The following HTT variants were observed in gnomAD, a reference collection of about 807,000 sequenced individuals.
HTT encodes the protein huntingtin.
HTT carries 104 observed loss-of-function variants against 362.3 expected under a neutral mutation model. That is an observed-to-expected ratio of 0.29 (90% CI 0.24 to 0.34). HTT has a LOEUF of 0.34. Among genes scored for constraint, HTT ranks in the 10% least tolerant of loss-of-function variants. The pLI, the probability that HTT is intolerant of heterozygous loss-of-function variation, is 1.00. For synonymous variants in HTT, 1,577 were observed against 1,548.7 expected (o/e 1.02, Z -0.43); for missense variants, 3,301 against 3,928.6 (o/e 0.84, Z 4.27).
intron 47 of HTT, among the ~76,000 whole-genome samples, chr4:3,210,610 G>GT (rs1030387309): frequency 2.8e-5 from 2 of 71,770 alleles, no homozygotes; most frequent in African/African-American, 9.0e-5. Flanking sequence ...TGTGAGCAGT[G>GT]GGGGGGCCAC....
chr4:3,145,147 C>T lies in HTT; in HGVS notation c.3067-5C>T, dbSNP rs1289749748. On this transcript the variant is annotated splice_region_variant and splice_polypyrimidine_tract_variant and intron_variant, in intron 23 of 66. Transcript: ENST00000355072. Reference sequence around the variant, plus strand: ...GGTGTGATTTTATTGTTTCTTTCTTCTCAGTTTGGATGCTGTGAAGCTTTG... The same window carrying T: ...GGTGTGATTTTATTGTTTCTTTCTTTTCAGTTTGGATGCTGTGAAGCTTTG... The T allele has an allele frequency of 1.2e-6, 2 of 1,609,588 alleles. No individual in the cohort carries two copies. The highest frequency in any genetic ancestry group is 2.7e-5 in the African/African-American group (2 of 74,812).
intron 47 of HTT, among the ~76,000 whole-genome samples, chr4:3,210,150 A>G (rs1318553422): frequency 1.3e-5 from 2 of 152,128 alleles, no homozygotes; most frequent in African/African-American, 2.4e-5. Context: ...GGGTCGGGAC[A>G]TGGGGGTTAT....
intron 5 of HTT, among the ~76,000 whole-genome samples, chr4:3,106,818 C>A (rs1452309952): frequency 1.3e-5 from 2 of 152,198 alleles, no homozygotes; most frequent in East Asian, 3.9e-4. Context: ...CACCTCGCAC[C>A]CGGCCTGCCC....
intron 8 of HTT, among the ~76,000 whole-genome samples, chr4:3,120,428 A>G (rs923356926): frequency 6.6e-6 from 1 of 152,090 alleles, no homozygotes; most frequent in African/African-American, 2.4e-5. Flanking sequence ...GGGGTCCCCA[A>G]CCCCCAGGCT....
At position 3,233,170 on chromosome 4, in the gene HTT, C is replaced by G. The variant is rs1230220597; in HGVS notation, c.8273C>G (p.Ala2758Gly). 1.3e-6 allele frequency: 2 copies of G among 1,585,222 alleles called. No individual in the cohort carries two copies. The highest frequency in any genetic ancestry group is 1.7e-6 in the Non-Finnish European group (2 of 1,157,800). The change falls in exon 61 of 67, where the codon GCC (alanine) becomes GGC (glycine). Residue 2758 changes from alanine (A) to glycine (G), a missense_variant. Coordinates refer to ENST00000355072, the MANE Select transcript of HTT (RefSeq NM_001388492.1). ...KAAAVLGMDKAVAEPVSRLLE... is the reference protein window; with the variant it reads ...KAAAVLGMDKGVAEPVSRLLE... Reference sequence around the variant, plus strand: ...TTGTCTGTGTGTGCCTAGGACAAGGCCGTGGCGGAGCCTGTCAGCCGCCTG... The same window carrying G: ...TTGTCTGTGTGTGCCTAGGACAAGGGCGTGGCGGAGCCTGTCAGCCGCCTG...
At chr4:3,078,421 G>C (rs1712680327) in intron 1 of HTT, among the ~76,000 whole-genome samples, 1 of 152,170 alleles carries the variant, frequency 6.6e-6, no homozygotes, top group Non-Finnish European at 1.5e-5. Flanking sequence ...GCAGGGAAGG[G>C]GATAGGGAAA....
At chr4:3,210,671 A>G (rs1406295772) in intron 47 of HTT, among the ~76,000 whole-genome samples, 1 of 152,160 alleles carries the variant, frequency 6.6e-6, no homozygotes, top group Non-Finnish European at 1.5e-5. Context: ...TCTCAGACCT[A>G]CTAGGACGGG....
At chr4:3,190,123 C>T (rs74787410) in intron 40 of HTT, among the ~76,000 whole-genome samples, 2,437 of 152,230 alleles carry the variant, frequency 0.016, 27 homozygotes, top group Non-Finnish European at 0.025. Flanking sequence ...GTAAAAGGAT[C>T]ACTTGAAGCC....
At chr4:3,121,589 A>T in intron 9 of HTT, 157 bp downstream of exon 9, 3 of 526,438 alleles carry the variant, frequency 5.7e-6, no homozygotes, top group Non-Finnish European at 1.0e-5. Context: ...TAAATAGGGG[A>T]GTTGGGCTGG....
At chr4:3,238,411 C>T in intron 64 of HTT, 36 bp from the exon 65 acceptor site, 3 of 1,546,332 alleles carry the variant, frequency 1.9e-6, no homozygotes, top group Non-Finnish European at 2.6e-6. Flanking sequence ...GCTGTGGGAG[C>T]TGGTGCCAGT....
intron 40 of HTT, among the ~76,000 whole-genome samples, chr4:3,193,952 A>G (rs1560587966): frequency 6.6e-6 from 1 of 152,116 alleles, no homozygotes; most frequent in African/African-American, 2.4e-5. Context: ...GTATATATAA[A>G]TGTGTGTTTC....
At chr4:3,140,472 C>G (rs374784433) in intron 21 of HTT, 38 bp from the exon 22 acceptor site, 64 of 1,606,102 alleles carry the variant, frequency 4.0e-5, no homozygotes, top group Admixed American at 8.4e-5. Flanking sequence ...TGAGTTTCAT[C>G]TACTTTCTTA....
intron 2 of HTT, among the ~76,000 whole-genome samples, chr4:3,096,777 C>G (rs1713877887): frequency 1.3e-5 from 2 of 152,346 alleles, no homozygotes; most frequent in Middle Eastern, 3.4e-3. Flanking sequence ...TCAATGACCT[C>G]AGCTTCTACC....
In HTT at chr4:3,157,090, C is replaced by T. The variant is rs994489074; in HGVS notation, c.3644C>T (p.Thr1215Ile). ...TTTAAAGCTTCTAGACAATCTGATACCTCAGGTCCTGTTACAACAAGTAAA... is the reference window on the plus strand; with the variant it reads ...TTTAAAGCTTCTAGACAATCTGATATCTCAGGTCCTGTTACAACAAGTAAA... ...EASAASRQSD[T>I]SGPVTTSKSS... is the part of the protein sequence containing the mutation. The change falls in exon 28 of 67, where the codon ACC (threonine) becomes ATC (isoleucine). Residue 1215 changes from threonine to isoleucine, a missense_variant. Coordinates refer to ENST00000355072, the MANE Select transcript of HTT (RefSeq NM_001388492.1). The T allele has an allele frequency of 6.2e-6, 10 of 1,611,158 alleles. No homozygotes were observed. The highest frequency in any genetic ancestry group is 8.5e-6 in the Non-Finnish European group (10 of 1,178,912).
rs968925938 is a variant in HTT at position 3,127,400 on chromosome 4, C to G, written c.1539C>G (p.Ala513=). 6 of 1,614,124 alleles carry G rather than the reference C, an allele frequency of 3.7e-6. No homozygotes were observed. The highest frequency in any genetic ancestry group is 4.2e-6 in the Non-Finnish European group (5 of 1,180,018). Reference sequence around the variant, plus strand: ...TGCAGGCGGACTCAGTGGATCTGGCCAGCTGTGACTTGACAAGCTCTGCCA... The same window carrying G: ...TGCAGGCGGACTCAGTGGATCTGGCGAGCTGTGACTTGACAAGCTCTGCCA... ...HTLQADSVDL[A]SCDLTSSATD... is the part of the protein sequence containing the mutation. Residue 513 remains alanine (A), a synonymous_variant, in exon 12 of 67, where the codon GCC becomes GCG. Coordinates refer to ENST00000355072, the MANE Select transcript of HTT (RefSeq NM_001388492.1).
chr4:3,111,610 G>A (rs16843836), intron 6 of HTT, among the ~76,000 whole-genome samples: 36,740 of 152,080 alleles, frequency 0.24, 5,715 homozygotes, highest in East Asian at 0.41. Flanking sequence ...CTGCAACCGG[G>A]GACTGGAAGG....
chr4:3,124,161 T>A (rs1349332803), intron 10 of HTT, among the ~76,000 whole-genome samples: 1 of 152,204 alleles, frequency 6.6e-6, no homozygotes, highest in Non-Finnish European at 1.5e-5. Flanking sequence ...GCCAAAAGGA[T>A]TCTAGGAAAA....
chr4:3,129,908 C>G lies in HTT; in HGVS notation c.1744-16C>G, dbSNP rs142941007. 8.8e-5 allele frequency: 142 copies of G among 1,613,922 alleles called. 1 individual carries two copies. The East Asian group carries it at 3.1e-3, about 35-fold the overall frequency. On this transcript the variant is annotated splice_polypyrimidine_tract_variant and intron_variant, in intron 12 of 66. Coordinates refer to ENST00000355072, the MANE Select transcript of HTT (RefSeq NM_001388492.1). ...TCACACTTCAAAATTCTCACAGCCC[C>G]CCTTGAACCGTTTAGGTGTTAGACG...
At chr4:3,210,897 T>G (rs1166461288) in intron 47 of HTT, among the ~76,000 whole-genome samples, 1 of 139,730 alleles carries the variant, frequency 7.2e-6, no homozygotes, top group African/African-American at 2.8e-5. Context: ...TTACTAAAAT[T>G]GTTTATCTTT....
Sources: allele counts gnomAD v4.1 joint callset (sites outside exome capture counted in the v4.1 genomes callset), GRCh38; gene constraint gnomAD v4.1.1; transcripts MANE v1.5; gene names NCBI Gene and HGNC (gene_info 2026-07-23, HGNC 2026-07-21).